ARHGAP15: variants seen among roughly 807,000 people sequenced by gnomAD.
ARHGAP15 encodes Rho GTPase activating protein 15, also known as rho GTPase-activating protein 15.
In ARHGAP15, 51 loss-of-function variants were observed where a neutral mutation model predicts 63.7. The ratio of observed to expected loss-of-function variants is 0.80; its 90% CI spans 0.64 to 1.01. The LOEUF (loss-of-function observed/expected upper bound fraction) is 1.01. Ranked by LOEUF, ARHGAP15 falls within the 50% of genes least tolerant of loss-of-function variation. The pLI is 0.00. For missense variants in ARHGAP15, 560 were observed against 564.6 expected (o/e 0.99, Z 0.08); for synonymous variants, 191 against 193.8 (o/e 0.99, Z 0.12).
intron 13 of ARHGAP15, among the ~76,000 whole-genome samples, chr2:143,719,025 T>C (rs145007355): frequency 6.6e-6 from 1 of 152,308 alleles, no homozygotes; most frequent in Non-Finnish European, 1.5e-5. Context: ...AGTCCTTCCA[T>C]TGGACTAAGT....
intron 13 of ARHGAP15, among the ~76,000 whole-genome samples, chr2:143,761,556 T>G (rs1009440087): frequency 9.9e-5 from 15 of 152,218 alleles, no homozygotes; most frequent in African/African-American, 3.6e-4. Context: ...GCTGAACTAT[T>G]ATTAAAGGCT....
intron 6 of ARHGAP15, among the ~76,000 whole-genome samples, chr2:143,360,965 G>A (rs1686025726): frequency 6.6e-6 from 1 of 152,032 alleles, no homozygotes; most frequent in South Asian, 2.1e-4. Context: ...ATTAACAATG[G>A]GAAATGTCTC....
intron 13 of ARHGAP15, among the ~76,000 whole-genome samples, chr2:143,750,380 G>A (rs1686327291): frequency 6.6e-6 from 1 of 152,188 alleles, no homozygotes; most frequent in African/African-American, 2.4e-5. Flanking sequence ...GGCAGAGGTT[G>A]CAGTGAGCCG....
intron 12 of ARHGAP15, among the ~76,000 whole-genome samples, chr2:143,643,504 G>A (rs138548898): frequency 6.4e-5 from 9 of 141,070 alleles, no homozygotes; most frequent in East Asian, 2.2e-4. Flanking sequence ...GAATCACCTC[G>A]GATCATGTTA....
At chr2:143,505,812 A>G (rs1693287137) in intron 9 of ARHGAP15, among the ~76,000 whole-genome samples, 1 of 152,198 alleles carries the variant, frequency 6.6e-6, no homozygotes, top group Non-Finnish European at 1.5e-5. Context: ...GGACTAAAGA[A>G]TGCCTTTAAC....
At chr2:143,463,023 G>A (rs1043893204) in intron 8 of ARHGAP15, among the ~76,000 whole-genome samples, 3 of 152,140 alleles carry the variant, frequency 2.0e-5, no homozygotes, top group Non-Finnish European at 2.9e-5. Flanking sequence ...GGATGGCTTT[G>A]AATGCAGCCC....
intron 2 of ARHGAP15, among the ~76,000 whole-genome samples, chr2:143,198,251 C>T (rs1013593918): frequency 4.6e-5 from 7 of 151,940 alleles, no homozygotes; most frequent in Non-Finnish European, 8.8e-5. Flanking sequence ...TGTTAGCATA[C>T]AATATTATCT....
At chr2:143,587,803 C>G (rs1443289689) in intron 11 of ARHGAP15, 2 of 467,010 alleles carry the variant, frequency 4.3e-6, no homozygotes, top group Non-Finnish European at 4.4e-6. Flanking sequence ...AATAATTTGT[C>G]ACTTCATTAA....
chr2:143,536,672 C>G (rs1044693190), intron 10 of ARHGAP15, among the ~76,000 whole-genome samples: 29 of 151,858 alleles, frequency 1.9e-4, no homozygotes, highest in South Asian at 1.0e-3. Context: ...TGGTTTCCAC[C>G]TTCATCCATG....
chr2:143,251,291 T>C (rs191773213), intron 6 of ARHGAP15, among the ~76,000 whole-genome samples: 5 of 152,174 alleles, frequency 3.3e-5, no homozygotes, highest in Admixed American at 3.3e-4. Context: ...TAATTTTATA[T>C]TTCCAAAGTA....
chr2:143,323,204 G>T (rs951643168), intron 6 of ARHGAP15, among the ~76,000 whole-genome samples: 12 of 152,308 alleles, frequency 7.9e-5, no homozygotes, highest in Admixed American at 6.5e-5. Context: ...ACACGTACAG[G>T]TTTGTTACAT....
chr2:143,188,010 C>T (rs1260342057), intron 2 of ARHGAP15, among the ~76,000 whole-genome samples: 2 of 152,158 alleles, frequency 1.3e-5, no homozygotes, highest in Non-Finnish European at 2.9e-5. Flanking sequence ...TTCATCAGTT[C>T]CCCTTCCTAG....
chr2:143,706,366 G>A (rs538027963), intron 13 of ARHGAP15: 2 of 152,242 alleles, frequency 1.3e-5, no homozygotes, highest in South Asian at 4.1e-4. Flanking sequence ...GTCAACCCTT[G>A]TATGTAGTGT....
At chr2:143,400,202 T>A (rs993896021) in intron 6 of ARHGAP15, among the ~76,000 whole-genome samples, 2 of 152,056 alleles carry the variant, frequency 1.3e-5, no homozygotes, top group African/African-American at 4.8e-5. Flanking sequence ...AGAAATTAAA[T>A]GTTACAATAG....
chr2:143,177,876 GTTATT>G lies in ARHGAP15; in HGVS notation c.165+22227_165+22231del, dbSNP rs570801709. Among the ~76,000 whole-genome samples, 9 of 152,128 alleles carry G rather than the reference GTTATT, an allele frequency of 5.9e-5. No homozygotes were observed. The South Asian group carries it at 1.9e-3, about 32-fold the overall frequency. ...GAATTTTTCTTTATTTTAGAAAATA[GTTATT>G]TTATTAAAAATATGCTATTTGTGTT... On this transcript the variant is annotated intron_variant, in intron 2 of 13. Transcript: ENST00000295095.
At chr2:143,276,319 G>T (rs1026627331) in intron 6 of ARHGAP15, among the ~76,000 whole-genome samples, 1 of 152,170 alleles carries the variant, frequency 6.6e-6, no homozygotes. Context: ...CTTACCAAAT[G>T]TATAGCTTGG....
At chr2:143,298,330 T>C (rs752822289) in intron 6 of ARHGAP15, among the ~76,000 whole-genome samples, 1 of 151,964 alleles carries the variant, frequency 6.6e-6, no homozygotes, top group Non-Finnish European at 1.5e-5. Flanking sequence ...CTAGTTAGCA[T>C]CTCGTAATAC....
intron 10 of ARHGAP15, among the ~76,000 whole-genome samples, chr2:143,534,101 G>A (rs541676825): frequency 3.3e-5 from 5 of 152,094 alleles, no homozygotes; most frequent in African/African-American, 1.2e-4. Flanking sequence ...CATGTCAATC[G>A]AGAGACGAGG....
chr2:143,505,647 G>C (rs923468542), intron 9 of ARHGAP15, among the ~76,000 whole-genome samples: 1 of 152,174 alleles, frequency 6.6e-6, no homozygotes, highest in Non-Finnish European at 1.5e-5. Context: ...CATGGGGAAT[G>C]GCATTCCTGA....
Sources: gnomAD v4.1 joint callset for allele counts (sites outside exome capture counted in the v4.1 genomes callset) on GRCh38, gnomAD v4.1.1 for gene constraint, MANE v1.5 for transcripts, NCBI Gene and HGNC (gene_info 2026-07-23, HGNC 2026-07-21) for gene names.